The following PDE1A variants were observed in gnomAD, a reference collection of about 807,000 sequenced individuals.
The protein encoded by PDE1A is phosphodiesterase 1A.
PDE1A carries 35 observed loss-of-function variants against 61.7 expected under a neutral mutation model. The observed-to-expected ratio is 0.57, with a 90% CI of 0.43 to 0.75. PDE1A has a LOEUF of 0.75. Among genes scored for constraint, PDE1A ranks in the 30% least tolerant of loss-of-function variants. The probability of loss-of-function intolerance (pLI) is 0.00; values close to 1 mark genes in which losing one functional copy is unlikely to be tolerated. For synonymous variants in PDE1A, 232 were observed against 213.2 expected (o/e 1.09, Z -0.77); for missense variants, 597 against 630.6 (o/e 0.95, Z 0.57).
At chr2:182,714,211 T>C in the PDE1A span, among the ~76,000 whole-genome samples, 1 of 152,180 alleles carries the variant, frequency 6.6e-6, no homozygotes. Context: ...TGAACAAAAA[T>C]CCACCTTCAT....
At chr2:182,567,668 T>C in the PDE1A span, among the ~76,000 whole-genome samples, 1 of 152,200 alleles carries the variant, frequency 6.6e-6, no homozygotes, top group African/African-American at 2.4e-5. Flanking sequence ...GAAAAAATAA[T>C]ATTCATTTTG....
At position 182,364,755 on chromosome 2, in the gene PDE1A, C is replaced by T. The variant is rs187010266; in HGVS notation, c.53+61823G>A. Among the ~76,000 whole-genome samples the T allele has an allele frequency of 5.4e-3, 814 of 151,936 alleles. 9 individuals are homozygous for T. Among genetic ancestry groups the T allele is most frequent in the South Asian group, 0.03 (143 of 4,818 alleles). On this transcript the variant is annotated intron_variant, in intron 1 of 13. Coordinates refer to ENST00000351439, the Ensembl canonical transcript of PDE1A. Reference sequence around the variant, plus strand: ...AGCATGTTACTTTTCAAACATGGAACGTGTTTTTACAACACAATAAACATA... The same window carrying T: ...AGCATGTTACTTTTCAAACATGGAATGTGTTTTTACAACACAATAAACATA...
At chr2:182,255,659 C>CTTTTT (rs1303654382) in intron 2 of PDE1A, among the ~76,000 whole-genome samples, 5 of 133,568 alleles carry the variant, frequency 3.7e-5, no homozygotes, top group African/African-American at 8.5e-5. Flanking sequence ...TCTTTCTTTT[C>CTTTTT]TTTTTTTTTT....
intron 1 of PDE1A, among the ~76,000 whole-genome samples, chr2:182,345,674 A>G (rs1698476546): frequency 6.6e-6 from 1 of 151,998 alleles, no homozygotes; most frequent in African/African-American, 2.4e-5. Context: ...CAGTCTTTGT[A>G]ATGGTTGTTT....
At position 182,287,175 on chromosome 2, in the gene PDE1A, G is replaced by A. The variant is rs75511745; in HGVS notation, c.54-22761C>T. Among the ~76,000 whole-genome samples, 1,480 of 151,944 alleles carry A rather than the reference G, an allele frequency of 9.7e-3. 24 individuals are homozygous for A. The highest frequency in any genetic ancestry group is 0.033 in the African/African-American group (1,385 of 41,440). ...CTCTTCCCCTATGATCTTTATACCA[G>A]CTCTTCTTTCCTTCTAGAACACTCT... On this transcript the variant is annotated intron_variant, in intron 1 of 13. Coordinates refer to ENST00000351439, the Ensembl canonical transcript of PDE1A.
intron 2 of PDE1A, among the ~76,000 whole-genome samples, chr2:182,259,815 T>C (rs1479291899): frequency 6.6e-6 from 1 of 152,212 alleles, no homozygotes; most frequent in East Asian, 1.9e-4. Context: ...CTGCTATGCA[T>C]GAGGCCAAAA....
At chr2:182,176,029 G>A (rs929242794) in intron 13 of PDE1A, among the ~76,000 whole-genome samples, 2 of 148,924 alleles carry the variant, frequency 1.3e-5, no homozygotes, top group Non-Finnish European at 2.9e-5. Context: ...GCTGTGTTCT[G>A]TTCCATTGAT....
At chr2:182,280,771 T>C (rs567145044) in intron 1 of PDE1A, among the ~76,000 whole-genome samples, 4 of 151,804 alleles carry the variant, frequency 2.6e-5, no homozygotes, top group Non-Finnish European at 4.4e-5. Flanking sequence ...GGTTTCAAGC[T>C]GGAAAAAAAA....
the PDE1A span, among the ~76,000 whole-genome samples, chr2:182,560,028 G>T: frequency 6.6e-6 from 1 of 151,584 alleles, no homozygotes; most frequent in Non-Finnish European, 1.5e-5. Context: ...ACATTTTCTT[G>T]GTGGCAGAGG....
At chr2:182,438,541 T>C (rs1684588695) in intron 2 of PDE1A, among the ~76,000 whole-genome samples, 1 of 152,016 alleles carries the variant, frequency 6.6e-6, no homozygotes, top group Non-Finnish European at 1.5e-5. Flanking sequence ...GAAATTATGC[T>C]GTTTTAGCAA....
At chr2:182,401,341 T>C (rs1028976655) in intron 1 of PDE1A, among the ~76,000 whole-genome samples, 1 of 152,210 alleles carries the variant, frequency 6.6e-6, no homozygotes, top group African/African-American at 2.4e-5. Context: ...GTTGGCTTCA[T>C]CCCTGGGATG....
chr2:182,231,126 A>G, exon 5 of PDE1A: 1 of 1,520,880 alleles, frequency 6.6e-7, no homozygotes, highest in Non-Finnish European at 9.1e-7. Context: ...ACCATTTATC[A>G]ACATCCTGTA....
At chr2:182,539,933 A>G in the PDE1A span, among the ~76,000 whole-genome samples, 2 of 152,228 alleles carry the variant, frequency 1.3e-5, no homozygotes, top group East Asian at 1.9e-4. Flanking sequence ...GATAATGACT[A>G]AAATTATATT....
At chr2:182,630,289 A>G in the PDE1A span, among the ~76,000 whole-genome samples, 3 of 152,132 alleles carry the variant, frequency 2.0e-5, no homozygotes, top group Admixed American at 6.6e-5. Context: ...ATATTGTGTA[A>G]GTCAGTGATA....
At chr2:182,382,337 A>C (rs759598239) in intron 1 of PDE1A, among the ~76,000 whole-genome samples, 1 of 152,232 alleles carries the variant, frequency 6.6e-6, no homozygotes, top group Non-Finnish European at 1.5e-5. Flanking sequence ...GGAAGGGCTC[A>C]AGAACAAGGA....
At chr2:182,211,538 G>T (rs948374474) in intron 7 of PDE1A, among the ~76,000 whole-genome samples, 2 of 152,122 alleles carry the variant, frequency 1.3e-5, no homozygotes, top group African/African-American at 4.8e-5. Flanking sequence ...GAATCACTTT[G>T]TCAGAATCAT....
the PDE1A span, among the ~76,000 whole-genome samples, chr2:182,669,941 A>G: frequency 6.6e-6 from 1 of 152,214 alleles, no homozygotes; most frequent in Non-Finnish European, 1.5e-5. Flanking sequence ...AACATGGGCC[A>G]CACACGGGCC....
At chr2:182,275,227 G>A (rs1471345115) in intron 1 of PDE1A, among the ~76,000 whole-genome samples, 2 of 152,018 alleles carry the variant, frequency 1.3e-5, no homozygotes, top group African/African-American at 2.4e-5. Context: ...GACTGCCCAC[G>A]GCAATCTTGA....
intron 2 of PDE1A, among the ~76,000 whole-genome samples, chr2:182,450,608 T>C (rs1685447169): frequency 6.6e-6 from 1 of 151,982 alleles, no homozygotes; most frequent in Non-Finnish European, 1.5e-5. Flanking sequence ...GCAGTTTGAT[T>C]AAATAAAGAC....
Sources: allele counts gnomAD v4.1 joint callset (sites outside exome capture counted in the v4.1 genomes callset), GRCh38; gene constraint gnomAD v4.1.1; transcripts MANE v1.5; gene names NCBI Gene and HGNC (gene_info 2026-07-23, HGNC 2026-07-21).